Variants in CCL2 observed in about 807,000 individuals in gnomAD.
The protein encoded by CCL2 is C-C motif chemokine 2.
Under a neutral mutation model 6.7 loss-of-function variants are expected in CCL2, and 2 were observed. The observed-to-expected ratio is 0.30, with a 90% CI of 0.12 to 0.94. The LOEUF is 0.94. Ranked by LOEUF, CCL2 falls within the 40% of genes least tolerant of loss-of-function variation. CCL2 has a pLI of 0.54. For synonymous variants in CCL2, 43 were observed against 45.2 expected, an observed-to-expected ratio of 0.95 and a Z score of 0.19; for missense variants, 89 against 119.3, an observed-to-expected ratio of 0.75 and a Z score of 1.18.
Position 34,256,717 on chromosome 17 carries a change from C to CA in CCL2, c.195-4dup, listed in dbSNP as rs775450395. 9.3e-6 allele frequency: 15 copies of CA among 1,606,114 alleles called. No individual in the cohort carries two copies. The highest frequency in any genetic ancestry group is 1.1e-5 in the Non-Finnish European group (13 of 1,173,768). On this transcript the variant is annotated splice_region_variant and splice_polypyrimidine_tract_variant and intron_variant, in intron 2 of 2. Transcript: ENST00000225831. The stretch of plus-strand genomic sequence containing the variant: ...TTCATCTAACTCTGTCCTCCCTCCC[C>CA]ACAGCTTCAAGACCATTGTGGCCAA...
At position 34,255,291 on chromosome 17, in the gene CCL2, C is replaced by G; in HGVS notation, c.-59C>G. On this transcript the variant is annotated 5_prime_UTR_variant, in exon 1 of 3. Coordinates refer to ENST00000225831, the MANE Select transcript of CCL2 (RefSeq NM_002982.4). ...GACAGCAGCCAGAGGAACCGAGAGG[C>G]TGAGACTAACCCAGAAACATCCAAT... 6.7e-7 allele frequency: 1 copy of G among 1,490,382 alleles called. No individual in the cohort carries two copies. The highest frequency in any genetic ancestry group is 9.3e-7 in the Non-Finnish European group (1 of 1,072,346). 92.3% of individuals were successfully genotyped at this position (1,490,382 alleles called of 1,614,324 possible).
In CCL2 at chr17:34,256,823, C is replaced by T; in HGVS notation, c.296C>T (p.Thr99Ile). 2 of 1,605,380 alleles carry T rather than the reference C, an allele frequency of 1.2e-6. No individual in the cohort carries two copies. Among genetic ancestry groups the T allele is most frequent in the Non-Finnish European group, 1.7e-6 (2 of 1,172,054 alleles). The part of the protein sequence containing the change: ...HLDKQTQTPK[T>I] ...GACAAGCAAACCCAAACTCCGAAGA[C>T]TTGAACACTCACTCCACAACCCAAG... is the stretch of plus-strand genomic sequence containing the variant. Residue 99 changes from threonine (T) to isoleucine (I), a missense_variant, in exon 3 of 3, where the codon ACT becomes ATT. Physicochemically the swap from Thr to Ile is moderately conservative, Grantham distance 89. Coordinates refer to ENST00000225831, the MANE Select transcript of CCL2 (RefSeq NM_002982.4).
chr17:34,256,222 A>G lies in CCL2; in HGVS notation c.77A>G (p.Asp26Gly). 1 of 1,591,974 alleles carries G rather than the reference A, an allele frequency of 6.3e-7. No individual in the cohort carries two copies. Among genetic ancestry groups the G allele is most frequent in the South Asian group, 1.1e-5 (1 of 90,480 alleles). Reference protein sequence around the residue: ...TFIPQGLAQPDAINAPVTCCY... With the variant: ...TFIPQGLAQPGAINAPVTCCY... ...TTTTTCTTTGTGGTTTATTTTCCAG[A>G]TGCAATCAATGCCCCAGTCACCTGC... The change falls in exon 2 of 3, where the codon GAT (aspartate) becomes GGT (glycine). Residue 26 changes from aspartate to glycine, a missense_variant and splice_region_variant. Physicochemically the swap from Asp to Gly is moderately conservative, Grantham distance 94 (BLOSUM62 -1). Transcript: ENST00000225831.
Position 34,256,751 on chromosome 17 carries a change from GT to G in CCL2, c.225del (p.Cys75TrpfsTer37). The G allele has an allele frequency of 6.2e-7, 1 of 1,613,746 alleles. No individual in the cohort carries two copies. Among genetic ancestry groups the G allele is most frequent in the Non-Finnish European group, 8.5e-7 (1 of 1,179,794 alleles). ...IFKTIVAKEI[C>X]ADPKQKWVQD... ...AAGACCATTGTGGCCAAGGAGATCT[GT>G]GCTGACCCCAAGCAGAAGTGGGTTC... On this transcript the variant is annotated frameshift_variant, in exon 3 of 3. Transcript: ENST00000225831. LOFTEE classifies it low-confidence loss of function (END_TRUNC).
Position 34,256,861 on chromosome 17 carries a change from A to G in CCL2, c.*34A>G. 6 of 1,383,374 alleles carry G rather than the reference A, an allele frequency of 4.3e-6. No homozygotes were observed. The highest frequency in any genetic ancestry group is 1.8e-4 in the Middle Eastern group (1 of 5,576). The allele number at this position is 1,383,374 out of a possible 1,614,324, so 85.7% of individuals were successfully genotyped here. A position where few individuals can be genotyped will look rare whatever the true frequency, so the allele number is the denominator to read the frequency against. On this transcript the variant is annotated 3_prime_UTR_variant, in exon 3 of 3. Transcript: ENST00000225831. ...TCCACAACCCAAGAATCTGCAGCTA[A>G]CTTATTTTCCCCTAGCTTTCCCCAG...
In CCL2 at chr17:34,257,073, G is replaced by A. The variant is rs1907710019; in HGVS notation, c.*246G>A. On this transcript the variant is annotated 3_prime_UTR_variant, in exon 3 of 3. Coordinates refer to ENST00000225831, the MANE Select transcript of CCL2 (RefSeq NM_002982.4). ...TGAACCACAGTTCTACCCCTGGGAT[G>A]TTTTGAGGGTCTTTGCAAGAATCAT... 3.0e-6 allele frequency: 1 copy of A among 336,648 alleles called. No individual in the cohort carries two copies. 20.9% of individuals were successfully genotyped at this position (336,648 alleles called of 1,614,324 possible). A position where few individuals can be genotyped will look rare whatever the true frequency, so the allele number is the denominator to read the frequency against.
At chr17:34,256,561 G>A in intron 2 of CCL2, 161 bp from the exon 3 acceptor site, 1 of 616,458 alleles carries the variant, frequency 1.6e-6, no homozygotes. Context: ...AGTCAGGATG[G>A]CTCCACCTGG....
At position 34,256,786 on chromosome 17, in the gene CCL2, A is replaced by G. The variant is rs746763384; in HGVS notation, c.259A>G (p.Met87Val). ...DPKQKWVQDS[M>V]DHLDKQTQTP... ...CAAGCAGAAGTGGGTTCAGGATTCC[A>G]TGGACCACCTGGACAAGCAAACCCA... The change falls in exon 3 of 3, where the codon ATG becomes GTG. Residue 87 changes from methionine to valine, a missense_variant. By Grantham distance (21) the Met-to-Val change is conservative. Transcript: ENST00000225831. The G allele has an allele frequency of 3.1e-6, 5 of 1,613,720 alleles. No homozygotes were observed. Among genetic ancestry groups the G allele is most frequent in the African/African-American group, 2.7e-5 (2 of 74,884 alleles).
In CCL2 at chr17:34,256,964, T is replaced by C. The variant is rs1023811146; in HGVS notation, c.*137T>C. ...ATGCCTTAAGTAATGTTAATTCTTA[T>C]TTAAGTTATTGATGTTTTAAGTTTA... is the stretch of plus-strand genomic sequence containing the variant. On this transcript the variant is annotated 3_prime_UTR_variant, in exon 3 of 3. Coordinates refer to ENST00000225831, the MANE Select transcript of CCL2 (RefSeq NM_002982.4). 1.8e-6 allele frequency: 1 copy of C among 563,086 alleles called. No individual in the cohort carries two copies. Among genetic ancestry groups the C allele is most frequent in the African/African-American group, 1.9e-5 (1 of 52,828 alleles). 34.9% of individuals were successfully genotyped at this position (563,086 alleles called of 1,614,324 possible). A position where few individuals can be genotyped will look rare whatever the true frequency, so the allele number is the denominator to read the frequency against.
intron 1 of CCL2, 169 bp downstream of exon 1, chr17:34,255,594 A>G: frequency 1.7e-6 from 1 of 581,098 alleles, no homozygotes. Context: ...GCTGCTCGGC[A>G]GAGCCTGAAC....
rs368571804 is a variant in CCL2, at chr17:34,255,469, C to T, written c.76+44C>T. 1.1e-5 allele frequency: 17 copies of T among 1,520,778 alleles called. No homozygotes were observed. The African/African-American group carries it at 2.2e-4, about 20-fold the overall frequency. 94.2% of individuals were successfully genotyped at this position (1,520,778 alleles called of 1,614,324 possible). On this transcript the variant is annotated intron_variant, in intron 1 of 2. Coordinates refer to ENST00000225831, the MANE Select transcript of CCL2 (RefSeq NM_002982.4). ...CTCCTTGAACCACATTGTCTTCTCT[C>T]TGAGTTATCATGGACCATCCAAGCA...
At chr17:34,256,461 G>A in intron 2 of CCL2, 122 bp downstream of exon 2, 1 of 713,386 alleles carries the variant, frequency 1.4e-6, no homozygotes, top group Non-Finnish European at 2.4e-6. Flanking sequence ...GTTCCCAATG[G>A]GAAAACTGAG....
At chr17:34,255,980 AGCTCCTCCTTCT>A in intron 1 of CCL2, 1 of 207,566 alleles carries the variant, frequency 4.8e-6, no homozygotes, top group Admixed American at 1.3e-4. Context: ...TAGCTTTAAC[AGCTCCTCCTTCT>A]CTCTGTCCAT....
rs4586 is a variant in CCL2 at position 34,256,250 on chromosome 17, T to C, written c.105T>C (p.Cys35=). 0.4 allele frequency: 637,758 copies of C among 1,609,614 alleles called. 133,317 individuals carry two copies. The highest frequency in any genetic ancestry group is 0.67 in the African/African-American group (50,137 of 74,858). Residue 35 remains cysteine, a synonymous_variant, in exon 2 of 3, where the codon TGT becomes TGC. Coordinates refer to ENST00000225831, the MANE Select transcript of CCL2 (RefSeq NM_002982.4). ...PDAINAPVTC[C]YNFTNRKISV... ...CAATCAATGCCCCAGTCACCTGCTG[T>C]TATAACTTCACCAATAGGAAGATCT...
Position 34,255,432 on chromosome 17 carries a change from C to G in CCL2, c.76+7C>G. On this transcript the variant is annotated splice_region_variant and intron_variant, in intron 1 of 2. Transcript: ENST00000225831. Reference sequence around the variant, plus strand: ...CAAGGGCTCGCTCAGCCAGGTAAGGCCCCCTCTTCTTCTCCTTGAACCACA... The same window carrying G: ...CAAGGGCTCGCTCAGCCAGGTAAGGGCCCCTCTTCTTCTCCTTGAACCACA... 1 of 1,611,528 alleles carries G rather than the reference C, an allele frequency of 6.2e-7. No homozygotes were observed. Among genetic ancestry groups the G allele is most frequent in the Non-Finnish European group, 8.5e-7 (1 of 1,177,746 alleles).
chr17:34,255,933 T>C, intron 1 of CCL2: 3 of 327,514 alleles, frequency 9.2e-6, no homozygotes, highest in Non-Finnish European at 1.7e-5. Flanking sequence ...ATCATCTGGA[T>C]TATTGGTCCG....
rs1478590147 is a variant in CCL2 at position 34,255,335 on chromosome 17, A to ACTCTCG, written c.-13_-8dup. On this transcript the variant is annotated 5_prime_UTR_variant, in exon 1 of 3. Transcript: ENST00000225831. The stretch of plus-strand genomic sequence containing the variant: ...ATCCAATTCTCAAACTGAAGCTCGC[A>ACTCTCG]CTCTCGCCTCCAGCATGAAAGTCTC... 6.2e-7 allele frequency: 1 copy of ACTCTCG among 1,612,364 alleles called. No homozygotes were observed. The highest frequency in any genetic ancestry group is 8.5e-7 in the Non-Finnish European group (1 of 1,179,070).
At position 34,256,831 on chromosome 17, in the gene CCL2, C is replaced by T. The variant is rs1266975114; in HGVS notation, c.*4C>T. 3 of 1,591,992 alleles carry T rather than the reference C, an allele frequency of 1.9e-6. No individual in the cohort carries two copies. Among genetic ancestry groups the T allele is most frequent in the Non-Finnish European group, 1.7e-6 (2 of 1,160,030 alleles). On this transcript the variant is annotated 3_prime_UTR_variant, in exon 3 of 3. Coordinates refer to ENST00000225831, the MANE Select transcript of CCL2 (RefSeq NM_002982.4). ...AACCCAAACTCCGAAGACTTGAACA[C>T]TCACTCCACAACCCAAGAATCTGCA...
intron 1 of CCL2, 25 bp downstream of exon 1, chr17:34,255,450 G>C (rs761688300): frequency 6.3e-7 from 1 of 1,585,106 alleles, no homozygotes; most frequent in Non-Finnish European, 8.7e-7. Context: ...TCTTCTCCTT[G>C]AACCACATTG....
Sources: allele counts gnomAD v4.1 joint callset, GRCh38; gene constraint gnomAD v4.1.1; transcripts MANE v1.5; gene names NCBI Gene and HGNC (gene_info 2026-07-23, HGNC 2026-07-21).